KIF16B: variants seen among roughly 807,000 people sequenced by gnomAD.
KIF16B encodes kinesin-like protein KIF16B.
KIF16B carries 98 observed loss-of-function variants against 156.3 expected under a neutral mutation model. That is an observed-to-expected ratio of 0.63 (90% CI 0.53 to 0.74). The LOEUF (loss-of-function observed/expected upper bound fraction) is 0.74. Among genes scored for constraint, KIF16B ranks in the 30% least tolerant of loss-of-function variants. The pLI is 0.00. For missense variants in KIF16B, 1,421 were observed against 1,606.5 expected (o/e 0.88, Z 1.97); for synonymous variants, 564 against 583.7 (o/e 0.97, Z 0.49).
intron 7 of KIF16B, among the ~76,000 whole-genome samples, 157 bp from the exon 8 acceptor site, chr20:16,506,347 A>G (rs8114445): frequency 0.019 from 2,821 of 152,254 alleles, 91 homozygotes; most frequent in African/African-American, 0.065. Context: ...GATTACAGAA[A>G]CTTCTCAAAT....
chr20:16,273,413 T>C lies in KIF16B; in HGVS notation c.3796-2A>G. 6.2e-7 allele frequency: 1 copy of C among 1,613,964 alleles called. No individual in the cohort carries two copies. ...GCTGAAAAAGTCCCTGAGGTATTTC[T>C]GTGGAAGAGACAAGAGTTAAGAACA... is the stretch of plus-strand genomic sequence containing the variant. On this transcript the variant is annotated splice_acceptor_variant, in intron 25 of 25. Coordinates refer to ENST00000354981, the MANE Select transcript of KIF16B (RefSeq NM_024704.5). LOFTEE classifies it high-confidence loss of function.
intron 25 of KIF16B, among the ~76,000 whole-genome samples, chr20:16,311,658 T>A (rs2063621305): frequency 6.6e-6 from 1 of 152,208 alleles, no homozygotes; most frequent in African/African-American, 2.4e-5. Flanking sequence ...GGACTAGCCA[T>A]GATCATGTTT....
chr20:16,345,546 A>G (rs1377020691), intron 23 of KIF16B, among the ~76,000 whole-genome samples: 3 of 152,274 alleles, frequency 2.0e-5, no homozygotes, highest in Admixed American at 1.3e-4. Flanking sequence ...TTGTAAAACA[A>G]AGAAAGAGAA....
At position 16,374,381 on chromosome 20, in the gene KIF16B, G is replaced by C. The variant is rs779774680; in HGVS notation, c.3226C>G (p.Gln1076Glu). Reference protein sequence around the residue: ...RLEYEIQQLKQKIYEVDGVQK... With the variant: ...RLEYEIQQLKEKIYEVDGVQK... ...ACACCATCGACCTCATAAATCTTCT[G>C]TTTCAGCTGCTGGATTTCATATTCT... is the stretch of plus-strand genomic sequence containing the variant. Residue 1076 changes from glutamine to glutamate, a missense_variant, in exon 20 of 26, where the codon CAG becomes GAG. Transcript: ENST00000354981. The C allele has an allele frequency of 6.3e-7, 1 of 1,589,896 alleles. No individual in the cohort carries two copies. The highest frequency in any genetic ancestry group is 1.3e-5 in the African/African-American group (1 of 74,264).
chr20:16,477,036 T>G (rs931716600), intron 12 of KIF16B, among the ~76,000 whole-genome samples: 1 of 152,132 alleles, frequency 6.6e-6, no homozygotes, highest in Admixed American at 6.5e-5. Flanking sequence ...CGTGAGCCAC[T>G]GCGCCGGGCC....
chr20:16,451,733 G>A (rs186526178), intron 12 of KIF16B, among the ~76,000 whole-genome samples: 14 of 152,122 alleles, frequency 9.2e-5, no homozygotes, highest in African/African-American at 2.4e-4. Flanking sequence ...TCCAATACAC[G>A]CTAAAGATTC....
At chr20:16,342,626 T>C (rs1167984852) in intron 23 of KIF16B, among the ~76,000 whole-genome samples, 2 of 152,214 alleles carry the variant, frequency 1.3e-5, no homozygotes, top group African/African-American at 2.4e-5. Context: ...TCAATATATT[T>C]GTAACACGAG....
Position 16,374,336 on chromosome 20 carries a change from TC to T in KIF16B, c.3270del (p.Thr1091ProfsTer46). 1 of 1,606,974 alleles carries T rather than the reference TC, an allele frequency of 6.2e-7. No homozygotes were observed. Among genetic ancestry groups the T allele is most frequent in the Non-Finnish European group, 8.5e-7 (1 of 1,175,742 alleles). The stretch of plus-strand genomic sequence containing the variant: ...GAAGAAGCCACCTTCCCTTCCAGGG[TC>T]CCATGATGATCTTTTTGAACACCAT... ...EVDGVQKDHH[G>X]TLEGKVASSS... On this transcript the variant is annotated frameshift_variant, in exon 20 of 26. Coordinates refer to ENST00000354981, the MANE Select transcript of KIF16B (RefSeq NM_024704.5). LOFTEE classifies it high-confidence loss of function.
intron 25 of KIF16B, 95 bp downstream of exon 25, chr20:16,312,240 T>A: frequency 2.4e-6 from 2 of 838,970 alleles, no homozygotes; most frequent in East Asian, 2.7e-5. Context: ...TTCACACTTG[T>A]GAAGAAATTT....
intron 12 of KIF16B, among the ~76,000 whole-genome samples, chr20:16,447,800 GTTTTATC>G: frequency 6.6e-6 from 1 of 152,078 alleles, no homozygotes; most frequent in African/African-American, 2.4e-5. Context: ...ACCCTGAGGA[GTTTTATC>G]GATAAAACCA....
intron 3 of KIF16B, among the ~76,000 whole-genome samples, chr20:16,521,267 C>G (rs2069339960): frequency 6.6e-6 from 1 of 151,834 alleles, no homozygotes; most frequent in Non-Finnish European, 1.5e-5. Flanking sequence ...AGCTAAGAAC[C>G]TTGAAAAAGG....
chr20:16,403,642 C>CT (rs1220046977), intron 17 of KIF16B, among the ~76,000 whole-genome samples: 1 of 152,136 alleles, frequency 6.6e-6, no homozygotes, highest in Admixed American at 6.6e-5. Flanking sequence ...TACTACATGG[C>CT]TTTTTTTCTT....
chr20:16,344,821 C>T (rs2064201667), intron 23 of KIF16B, among the ~76,000 whole-genome samples: 1 of 152,224 alleles, frequency 6.6e-6, no homozygotes, highest in African/African-American at 2.4e-5. Context: ...ACTCGGTTTA[C>T]TGAGATGATT....
At chr20:16,541,636 G>T (rs372632383) in intron 1 of KIF16B, among the ~76,000 whole-genome samples, 1 of 152,192 alleles carries the variant, frequency 6.6e-6, no homozygotes, top group Non-Finnish European at 1.5e-5. Context: ...CAACTCTTAC[G>T]GTTTACAGGT....
chr20:16,330,643 T>C (rs1012147687), intron 24 of KIF16B, among the ~76,000 whole-genome samples: 2 of 152,218 alleles, frequency 1.3e-5, no homozygotes, highest in African/African-American at 4.8e-5. Context: ...TAAGGTGACA[T>C]GCCAAGTTTG....
intron 25 of KIF16B, among the ~76,000 whole-genome samples, chr20:16,274,136 T>G (rs2063026237): frequency 6.6e-6 from 1 of 151,534 alleles, no homozygotes. Context: ...TGCTGCTTAC[T>G]GGTATTTTAA....
intron 10 of KIF16B, among the ~76,000 whole-genome samples, chr20:16,503,741 G>T (rs1600563388): frequency 1.3e-5 from 2 of 152,036 alleles, no homozygotes; most frequent in South Asian, 4.1e-4. Flanking sequence ...AATCATCACG[G>T]AATGTAACTC....
At chr20:16,521,994 C>A (rs985348503) in intron 3 of KIF16B, among the ~76,000 whole-genome samples, 1 of 152,130 alleles carries the variant, frequency 6.6e-6, no homozygotes, top group African/African-American at 2.4e-5. Flanking sequence ...CACCACCAGG[C>A]CTGCCTTACA....
intron 1 of KIF16B, among the ~76,000 whole-genome samples, chr20:16,553,381 G>C (rs2070734410): frequency 6.6e-6 from 1 of 152,136 alleles, no homozygotes; most frequent in Non-Finnish European, 1.5e-5. Context: ...AACTTGTGAG[G>C]CTTTCTTTGT....
Sources: gnomAD v4.1 joint callset for allele counts (sites outside exome capture counted in the v4.1 genomes callset) on GRCh38, gnomAD v4.1.1 for gene constraint, MANE v1.5 for transcripts, NCBI Gene and HGNC (gene_info 2026-07-23, HGNC 2026-07-21) for gene names.